Variants in ZNF516 observed in about 807,000 individuals in gnomAD.
The protein encoded by ZNF516 is zinc finger protein 516.
Under a neutral mutation model 79.7 loss-of-function variants are expected in ZNF516, and 19 were observed. The observed-to-expected ratio is 0.24, with a 90% CI of 0.17 to 0.35. The LOEUF (loss-of-function observed/expected upper bound fraction) is 0.35. Among genes scored for constraint, ZNF516 ranks in the 10% least tolerant of loss-of-function variants. ZNF516 has a pLI of 1.00. For synonymous variants in ZNF516, 877 were observed against 739.5 expected (o/e 1.19, Z -3.02); for missense variants, 1,678 against 1,679.5 (o/e 1.00, Z 0.02).
At chr18:76,469,572 C>T (rs1913706296) in intron 1 of ZNF516, among the ~76,000 whole-genome samples, 1 of 152,132 alleles carries the variant, frequency 6.6e-6, no homozygotes, top group African/African-American at 2.4e-5. Flanking sequence ...AGGAGACTCA[C>T]TTTTTAGATT....
rs1475895250 is a variant in ZNF516 at position 76,358,729 on chromosome 18, T to A, written c.*3769A>T. 1 of 152,222 alleles carries A rather than the reference T, an allele frequency of 6.6e-6. No homozygotes were observed. The highest frequency in any genetic ancestry group is 1.5e-5 in the Non-Finnish European group (1 of 68,046). 9.4% of individuals were successfully genotyped at this position (152,222 alleles called of 1,614,324 possible). A position where few individuals can be genotyped will look rare whatever the true frequency, so the allele number is the denominator to read the frequency against. On this transcript the variant is annotated 3_prime_UTR_variant, in exon 7 of 7. Coordinates refer to ENST00000443185, the MANE Select transcript of ZNF516 (RefSeq NM_014643.4). ...TTCCTTCCTTCCTTTTTCTACAGCT[T>A]GGAAACCTCTGAGAATTTGCTGGGG... is the stretch of plus-strand genomic sequence containing the variant.
chr18:76,395,961 T>C (rs2075140681), intron 3 of ZNF516, among the ~76,000 whole-genome samples: 1 of 152,166 alleles, frequency 6.6e-6, no homozygotes, highest in African/African-American at 2.4e-5. Flanking sequence ...AGCCCTGCCT[T>C]CTTCCCAGCA....
chr18:76,488,029 C>T, intron 1 of ZNF516: 1 of 985,394 alleles, frequency 1.0e-6, no homozygotes, highest in Non-Finnish European at 1.2e-6. Context: ...ATCACTGCTG[C>T]ACAAACAGAG....
chr18:76,431,081 G>A lies in ZNF516; in HGVS notation c.1810+10164C>T, dbSNP rs546571841. On this transcript the variant is annotated intron_variant, in intron 3 of 6. Transcript: ENST00000443185. Reference sequence around the variant, plus strand: ...TGGCAATCCATTTTAATATGCAAAGGCTTATGCAAATTATATATGCAAATA... The same window carrying A: ...TGGCAATCCATTTTAATATGCAAAGACTTATGCAAATTATATATGCAAATA... Among the ~76,000 whole-genome samples the A allele has an allele frequency of 2.1e-4, 32 of 152,216 alleles. 1 individual carries two copies. Among genetic ancestry groups the A allele is most frequent in the African/African-American group, 6.7e-4 (28 of 41,514 alleles).
chr18:76,480,531 T>TATA lies in ZNF516; in HGVS notation c.-272+14612_-272+14613insTAT, dbSNP rs1568327546. 1.1e-3 allele frequency among the ~76,000 whole-genome samples: 57 copies of TATA among 52,886 alleles called. 2 individuals carry two copies. The highest frequency in any genetic ancestry group is 4.5e-3 in the African/African-American group (54 of 11,912). The allele number at this position is 52,886 out of a possible 152,430, so 34.7% of individuals were successfully genotyped here. Reference sequence around the variant, plus strand: ...CACACACACACACACACACATATATTTTTTTTTTTGAGACGGAGTCTTGCT... The same window carrying TATA: ...CACACACACACACACACACATATATTATATTTTTTTTTGAGACGGAGTCTTGCT... On this transcript the variant is annotated intron_variant, in intron 1 of 6. Coordinates refer to ENST00000443185, the MANE Select transcript of ZNF516 (RefSeq NM_014643.4).
At chr18:76,453,041 T>C (rs1912512416) in intron 2 of ZNF516, among the ~76,000 whole-genome samples, 1 of 152,250 alleles carries the variant, frequency 6.6e-6, no homozygotes, top group South Asian at 2.1e-4. Context: ...TTACTGTTAC[T>C]TGTCATTTAC....
Position 76,378,984 on chromosome 18 carries a change from G to C in ZNF516, c.3130C>G (p.Gln1044Glu), listed in dbSNP as rs762848959. 6.2e-7 allele frequency: 1 copy of C among 1,613,480 alleles called. No individual in the cohort carries two copies. The highest frequency in any genetic ancestry group is 8.5e-7 in the Non-Finnish European group (1 of 1,179,786). The change falls in exon 4 of 7, where the codon CAG (glutamine) becomes GAG (glutamate). Residue 1044 changes from glutamine (Q) to glutamate (E), a missense_variant. Physicochemically the swap from Gln to Glu is conservative, Grantham distance 29. Transcript: ENST00000443185. ...GAPPVLHSIK[Q>E]EPVAEGHEKR... Reference sequence around the variant, plus strand: ...TCATGCCCCTCGGCCACCGGCTCCTGTTTGATGGAGTGTAGGACGGGGGGC... The same window carrying C: ...TCATGCCCCTCGGCCACCGGCTCCTCTTTGATGGAGTGTAGGACGGGGGGC...
At chr18:76,367,457 C>T (rs1382715649) in intron 6 of ZNF516, among the ~76,000 whole-genome samples, 3 of 152,234 alleles carry the variant, frequency 2.0e-5, no homozygotes, top group Admixed American at 1.3e-4. Context: ...AATTCAGAGT[C>T]TCAACAAGGA....
intron 1 of ZNF516, among the ~76,000 whole-genome samples, chr18:76,473,910 G>GGGC (rs1914023754): frequency 7.0e-6 from 1 of 143,506 alleles, no homozygotes; most frequent in Non-Finnish European, 1.6e-5. Context: ...GTGTGGGGGG[G>GGGC]GGGGGGGCTT....
In ZNF516 at chr18:76,467,313, G is replaced by C. The variant is rs690182; in HGVS notation, c.-271-4172C>G. Among the ~76,000 whole-genome samples, 11,318 of 11,934 alleles carry C rather than the reference G, an allele frequency of 0.95. 5,532 individuals carry two copies. Among genetic ancestry groups the C allele is most frequent in the Middle Eastern group, 1 (26 of 26 alleles). 7.8% of individuals were successfully genotyped at this position (11,934 alleles called of 152,430 possible). Reference sequence around the variant, plus strand: ...TGCGTGTCTCTCGGAACCTGCAGCTGACAGCCCCTCTGGGTTGGCAGGAAG... The same window carrying C: ...TGCGTGTCTCTCGGAACCTGCAGCTCACAGCCCCTCTGGGTTGGCAGGAAG... On this transcript the variant is annotated intron_variant, in intron 1 of 6. Transcript: ENST00000443185. The surrounding 1 kb of genome is among the most constrained non-coding windows in gnomAD (Gnocchi z 4.2).
At chr18:76,489,370 A>C (rs1915023153) in intron 1 of ZNF516, among the ~76,000 whole-genome samples, 1 of 152,218 alleles carries the variant, frequency 6.6e-6, no homozygotes, top group South Asian at 2.1e-4. Context: ...TCTTTACAGA[A>C]GTCTCCTTTC....
chr18:76,423,293 C>T (rs527585556), intron 3 of ZNF516, among the ~76,000 whole-genome samples: 3 of 152,362 alleles, frequency 2.0e-5, no homozygotes, highest in African/African-American at 7.2e-5. Flanking sequence ...AGAAACAACA[C>T]AAAGCCCTTC....
intron 3 of ZNF516, among the ~76,000 whole-genome samples, chr18:76,400,132 G>A (rs1157840431): frequency 1.3e-5 from 2 of 152,124 alleles, no homozygotes; most frequent in Non-Finnish European, 2.9e-5. Flanking sequence ...TGGAAATTCA[G>A]AGTGAGCAAC....
In ZNF516 at chr18:76,362,529, A is replaced by G; in HGVS notation, c.3461T>C (p.Val1154Ala). 1 of 1,613,398 alleles carries G rather than the reference A, an allele frequency of 6.2e-7. No individual in the cohort carries two copies. The highest frequency in any genetic ancestry group is 8.5e-7 in the Non-Finnish European group (1 of 1,179,400). The change falls in exon 7 of 7, where the codon GTC becomes GCC. Residue 1154 changes from valine to alanine, a missense_variant. This residue lies in a region of ZNF516 where 1,294 missense variants were observed against 1,248.3 expected (regional missense o/e 1.04). Coordinates refer to ENST00000443185, the MANE Select transcript of ZNF516 (RefSeq NM_014643.4). ...TCCCTTTCTCAGAGGCACTGTCTGG[A>G]CGGTACCTGTGTTAGAATGGTCTCT... ...QGRDHSNTGT[V>A]QTVPLRKGT
intron 3 of ZNF516, among the ~76,000 whole-genome samples, chr18:76,425,681 G>C (rs1389470721): frequency 6.6e-6 from 1 of 152,206 alleles, no homozygotes; most frequent in Non-Finnish European, 1.5e-5. Flanking sequence ...AATGCCCCGT[G>C]GTCGGAGCTG....
At chr18:76,374,206 T>C (rs1878941312) in intron 4 of ZNF516, among the ~76,000 whole-genome samples, 2 of 152,264 alleles carry the variant, frequency 1.3e-5, no homozygotes, top group African/African-American at 4.8e-5. Context: ...ATCTATTCTA[T>C]CTGGAATTAT....
At chr18:76,398,628 G>A (rs200967931) in intron 3 of ZNF516, among the ~76,000 whole-genome samples, 1 of 149,958 alleles carries the variant, frequency 6.7e-6, no homozygotes, top group East Asian at 1.9e-4. Context: ...GGGCCTTTCT[G>A]AAGGAATGGG....
chr18:76,435,108 G>A (rs771296808), intron 3 of ZNF516, among the ~76,000 whole-genome samples: 13 of 152,088 alleles, frequency 8.5e-5, no homozygotes, highest in East Asian at 1.9e-4. Context: ...CTCCCACCTC[G>A]AAAATTCTAT....
chr18:76,445,984 T>C (rs1395358278), intron 2 of ZNF516, among the ~76,000 whole-genome samples: 1 of 152,236 alleles, frequency 6.6e-6, no homozygotes, highest in Non-Finnish European at 1.5e-5. Context: ...TGCCAGCAGC[T>C]GTGCACCCGT....
Sources: allele counts gnomAD v4.1 joint callset (sites outside exome capture counted in the v4.1 genomes callset), GRCh38; gene constraint gnomAD v4.1.1; regional missense constraint gnomAD v4.1.1; non-coding constraint Gnocchi (gnomAD v3.1); transcripts MANE v1.5; gene names NCBI Gene and HGNC (gene_info 2026-07-23, HGNC 2026-07-21).